Variants in FAM117A observed in about 807,000 individuals in gnomAD.
The protein encoded by FAM117A is protein FAM117A.
In FAM117A, 21 loss-of-function variants were observed where a neutral mutation model predicts 44.1. The observed-to-expected ratio is 0.48, with a 90% CI of 0.34 to 0.69. The LOEUF (loss-of-function observed/expected upper bound fraction) is 0.69, where lower values mean the gene tolerates loss of function less well. Among genes scored for constraint, FAM117A ranks in the 30% least tolerant of loss-of-function variants. The pLI, the probability that FAM117A is intolerant of heterozygous loss-of-function variation, is 0.01. For synonymous variants in FAM117A, 220 were observed against 238.3 expected (o/e 0.92, Z 0.71); for missense variants, 498 against 589.9 (o/e 0.84, Z 1.61).
chr17:49,741,520 G>GT (rs967296750), intron 1 of FAM117A, among the ~76,000 whole-genome samples: 15 of 151,740 alleles, frequency 9.9e-5, no homozygotes, highest in African/African-American at 3.6e-4. Flanking sequence ...TCTACAACCT[G>GT]TTTTTTTTCA....
intron 5 of FAM117A, 49 bp downstream of exon 5, chr17:49,719,711 C>T: frequency 1.3e-6 from 2 of 1,491,398 alleles, no homozygotes; most frequent in Non-Finnish European, 8.9e-7. Flanking sequence ...TCGCCCAGGC[C>T]AAGTGAGGCA....
intron 1 of FAM117A, among the ~76,000 whole-genome samples, chr17:49,737,663 C>T (rs748883915): frequency 1.3e-5 from 2 of 152,162 alleles, no homozygotes; most frequent in Admixed American, 6.5e-5. Flanking sequence ...CTCGTGTTTA[C>T]GTTGTGCTTT....
chr17:49,711,146 CGAAGGCCGA>C lies in FAM117A; in HGVS notation c.*100_*108del. ...GACACAGTAAGTGAAAGAAAGTGCT[CGAAGGCCGA>C]GAGGGAAGGGCCCCTCCATACCCCA... On this transcript the variant is annotated 3_prime_UTR_variant, in exon 8 of 8. Coordinates refer to ENST00000240364, the MANE Select transcript of FAM117A (RefSeq NM_030802.4). 8.9e-7 allele frequency: 1 copy of C among 1,121,000 alleles called. No homozygotes were observed. 69.4% of individuals were successfully genotyped at this position (1,121,000 alleles called of 1,614,324 possible). A position where few individuals can be genotyped will look rare whatever the true frequency, so the allele number is the denominator to read the frequency against.
At chr17:49,783,929 T>C (rs1311043607) in intron 1 of FAM117A, among the ~76,000 whole-genome samples, 1 of 152,228 alleles carries the variant, frequency 6.6e-6, no homozygotes, top group East Asian at 1.9e-4. Context: ...AGAGCATGGC[T>C]GGTTCTGTGC....
At chr17:49,775,155 T>G (rs2073772237) in intron 1 of FAM117A, among the ~76,000 whole-genome samples, 1 of 152,132 alleles carries the variant, frequency 6.6e-6, no homozygotes, top group Non-Finnish European at 1.5e-5. Context: ...GCCCGGCTAA[T>G]TTTTGTATTT....
At chr17:49,742,837 G>A (rs1165947774) in intron 1 of FAM117A, among the ~76,000 whole-genome samples, 1 of 152,106 alleles carries the variant, frequency 6.6e-6, no homozygotes, top group African/African-American at 2.4e-5. Context: ...TTTTAAGTAA[G>A]GTGAAGGAAA....
intron 1 of FAM117A, among the ~76,000 whole-genome samples, chr17:49,757,429 C>A (rs1331161812): frequency 6.6e-6 from 1 of 152,118 alleles, no homozygotes; most frequent in Non-Finnish European, 1.5e-5. Flanking sequence ...ATATGTGGGC[C>A]TGAGGGGAAG....
At chr17:49,745,935 T>C (rs560760924) in intron 1 of FAM117A, among the ~76,000 whole-genome samples, 2 of 152,234 alleles carry the variant, frequency 1.3e-5, no homozygotes, top group Admixed American at 6.5e-5. Context: ...TAGTCCATTT[T>C]TGCCTTTGGC....
chr17:49,784,410 A>G (rs1406287542), intron 1 of FAM117A, among the ~76,000 whole-genome samples: 1 of 152,256 alleles, frequency 6.6e-6, no homozygotes, highest in East Asian at 1.9e-4. Flanking sequence ...GCTAAAATGC[A>G]TGTCTGACTG....
chr17:49,783,926 G>C (rs2073797747), intron 1 of FAM117A, among the ~76,000 whole-genome samples: 1 of 152,230 alleles, frequency 6.6e-6, no homozygotes. Flanking sequence ...GAGAGAGCAT[G>C]GCTGGTTCTG....
intron 1 of FAM117A, among the ~76,000 whole-genome samples, chr17:49,772,898 G>A (rs540978783): frequency 5.3e-4 from 80 of 152,340 alleles, no homozygotes; most frequent in South Asian, 1.4e-3. Flanking sequence ...ATGGCCAGGC[G>A]CGGTGGCTCA....
intron 2 of FAM117A, among the ~76,000 whole-genome samples, chr17:49,724,161 G>GA (rs1222339411): frequency 6.6e-6 from 1 of 152,112 alleles, no homozygotes; most frequent in Non-Finnish European, 1.5e-5. Flanking sequence ...TGAAAAGTGA[G>GA]GAGGAAGCCC....
chr17:49,781,935 C>T (rs2073790716), intron 1 of FAM117A, among the ~76,000 whole-genome samples: 1 of 152,048 alleles, frequency 6.6e-6, no homozygotes, highest in Non-Finnish European at 1.5e-5. Context: ...GTGATTGTGC[C>T]ACTGCACTCC....
chr17:49,779,224 C>T (rs1472089014), intron 1 of FAM117A, among the ~76,000 whole-genome samples: 1 of 152,164 alleles, frequency 6.6e-6, no homozygotes, highest in Non-Finnish European at 1.5e-5. Context: ...TGTCTTTACC[C>T]CTCCATGGAT....
At chr17:49,746,544 G>A (rs1422042723) in intron 1 of FAM117A, among the ~76,000 whole-genome samples, 3 of 152,226 alleles carry the variant, frequency 2.0e-5, no homozygotes, top group Non-Finnish European at 4.4e-5. Context: ...CTAAGTGAAA[G>A]AGACACTAAA....
At chr17:49,745,029 AAAAAC>A (rs1567832593) in intron 1 of FAM117A, among the ~76,000 whole-genome samples, 1 of 151,234 alleles carries the variant, frequency 6.6e-6, no homozygotes, top group Non-Finnish European at 1.5e-5. Context: ...AAAAAAAAAA[AAAAAC>A]ACACACACAC....
rs115203716 is a variant in FAM117A at position 49,717,583 on chromosome 17, A to G, written c.840T>C (p.Pro280=). ...GTTCCTCATGACTGGCCAGGCCACA[A>G]GGCTGGGGAGATGCCAAGGACATGG... ...SPSMSLASPQ[P]CGLASHEEHR... Residue 280 remains proline, a synonymous_variant, in exon 6 of 8, where the codon CCT becomes CCC. Coordinates refer to ENST00000240364, the MANE Select transcript of FAM117A (RefSeq NM_030802.4). 3 of 1,614,154 alleles carry G rather than the reference A, an allele frequency of 1.9e-6. No homozygotes were observed. The highest frequency in any genetic ancestry group is 2.5e-6 in the Non-Finnish European group (3 of 1,180,010).
chr17:49,735,295 C>T (rs576797017), intron 1 of FAM117A, among the ~76,000 whole-genome samples: 2 of 151,982 alleles, frequency 1.3e-5, no homozygotes, highest in Non-Finnish European at 2.9e-5. Context: ...GAGGCTGAGA[C>T]AGGAGAATTG....
chr17:49,728,139 T>C (rs2073568274), intron 2 of FAM117A, among the ~76,000 whole-genome samples: 1 of 152,228 alleles, frequency 6.6e-6, no homozygotes, highest in Admixed American at 6.5e-5. Context: ...GGTACTTTTG[T>C]CAAACTATGC....
Sources: gnomAD v4.1 joint callset for allele counts (sites outside exome capture counted in the v4.1 genomes callset) on GRCh38, gnomAD v4.1.1 for gene constraint, MANE v1.5 for transcripts, NCBI Gene and HGNC (gene_info 2026-07-23, HGNC 2026-07-21) for gene names.